Variants in EML5 observed in about 807,000 individuals in gnomAD.
The protein encoded by EML5 is echinoderm microtubule-associated protein-like 5.
In EML5, 120 loss-of-function variants were observed where a neutral mutation model predicts 250.0. That is an observed-to-expected ratio of 0.48 (90% CI 0.41 to 0.56). The LOEUF (loss-of-function observed/expected upper bound fraction) is 0.56. EML5 is among the 20% of genes least tolerant of loss of function. The pLI is 0.00. For missense variants in EML5, 2,006 were observed against 2,437.6 expected, an observed-to-expected ratio of 0.82 and a Z score of 3.73; for synonymous variants, 771 against 806.5, an observed-to-expected ratio of 0.96 and a Z score of 0.75.
At chr14:88,679,655 G>A (rs993157764) in intron 21 of EML5, among the ~76,000 whole-genome samples, 5 of 151,958 alleles carry the variant, frequency 3.3e-5, no homozygotes, top group African/African-American at 1.2e-4. Flanking sequence ...TCATGCCACT[G>A]CACTCCAGCC....
chr14:88,755,850 T>C (rs139736642), intron 1 of EML5, among the ~76,000 whole-genome samples: 1 of 152,174 alleles, frequency 6.6e-6, no homozygotes, highest in Non-Finnish European at 1.5e-5. Flanking sequence ...TTTTTTTTAA[T>C]GAGCCAGACA....
intron 30 of EML5, among the ~76,000 whole-genome samples, chr14:88,643,767 T>C (rs2091199585): frequency 6.6e-6 from 1 of 152,252 alleles, no homozygotes; most frequent in African/African-American, 2.4e-5. Flanking sequence ...ATACTGTCTC[T>C]GACAATTCAT....
rs1385843852 is a variant in EML5, at chr14:88,685,892, A to G, written c.2855-750T>C. Among the ~76,000 whole-genome samples the G allele has an allele frequency of 2.0e-5, 3 of 151,796 alleles. No homozygotes were observed. The East Asian group carries it at 5.8e-4, about 29-fold the overall frequency. The stretch of plus-strand genomic sequence containing the variant: ...TTTATTTTTCTCTAGCATATTTTCT[A>G]TTTGCAGTTGGTTGAATCTGAGGAT... On this transcript the variant is annotated intron_variant, in intron 19 of 43. Transcript: ENST00000554922.
At chr14:88,674,525 C>A (rs1286494131) in intron 21 of EML5, among the ~76,000 whole-genome samples, 1 of 152,054 alleles carries the variant, frequency 6.6e-6, no homozygotes, top group East Asian at 1.9e-4. Context: ...CAGGAAAGAC[C>A]CGCCCCCATG....
At chr14:88,748,622 G>A (rs1355264086) in intron 2 of EML5, among the ~76,000 whole-genome samples, 3 of 151,944 alleles carry the variant, frequency 2.0e-5, no homozygotes, top group Non-Finnish European at 4.4e-5. Context: ...TAATAACCTG[G>A]GGAAAATCAC....
At chr14:88,730,555 C>T (rs2093739379) in intron 7 of EML5, among the ~76,000 whole-genome samples, 1 of 152,200 alleles carries the variant, frequency 6.6e-6, no homozygotes, top group South Asian at 2.1e-4. Context: ...ATTGGGAACA[C>T]TACCAATAAT....
chr14:88,675,425 A>G (rs1307345803), intron 21 of EML5, among the ~76,000 whole-genome samples: 4 of 152,244 alleles, frequency 2.6e-5, no homozygotes, highest in Non-Finnish European at 5.9e-5. Context: ...CTGAAGCAAC[A>G]GTCCAAGCTG....
At chr14:88,785,253 A>G (rs1371585215) in intron 1 of EML5, among the ~76,000 whole-genome samples, 3 of 152,186 alleles carry the variant, frequency 2.0e-5, no homozygotes, top group Non-Finnish European at 4.4e-5. Context: ...AGTTAGAATG[A>G]ATAAGACCAT....
chr14:88,679,113 A>C (rs191880943), intron 21 of EML5, among the ~76,000 whole-genome samples: 7 of 150,162 alleles, frequency 4.7e-5, no homozygotes, highest in African/African-American at 1.7e-4. Context: ...ATATCTTCAC[A>C]TGGCCTTCTT....
At chr14:88,762,014 C>G (rs950895529) in intron 1 of EML5, among the ~76,000 whole-genome samples, 3 of 152,144 alleles carry the variant, frequency 2.0e-5, no homozygotes, top group African/African-American at 7.2e-5. Context: ...AGTTCATATC[C>G]TTAGCCCACT....
chr14:88,645,817 T>C (rs1032333434), intron 29 of EML5, among the ~76,000 whole-genome samples: 2 of 152,208 alleles, frequency 1.3e-5, no homozygotes, highest in Non-Finnish European at 2.9e-5. Context: ...ATGTATCAAC[T>C]TTACCTACAC....
In EML5 at chr14:88,621,172, C is replaced by T. The variant is rs1298123227; in HGVS notation, c.5143G>A (p.Asp1715Asn). ...TCTTCTGCAGCAGAAAGGAAAAAAT[C>T]CCTGGAAGGATGTGTTGCTAGTCCC... is the stretch of plus-strand genomic sequence containing the variant. ...IWGLATHPSR[D>N]FFLSAAEDGT... Residue 1715 changes from aspartate (D) to asparagine (N), a missense_variant, in exon 38 of 44, where the codon GAT becomes AAT. Transcript: ENST00000554922. The T allele has an allele frequency of 6.2e-7, 1 of 1,613,870 alleles. No individual in the cohort carries two copies. Among genetic ancestry groups the T allele is most frequent in the Non-Finnish European group, 8.5e-7 (1 of 1,179,836 alleles).
chr14:88,744,340 T>C (rs533609134), intron 3 of EML5, among the ~76,000 whole-genome samples: 25 of 152,164 alleles, frequency 1.6e-4, no homozygotes, highest in Admixed American at 3.3e-4. Context: ...CCTCTGTTTA[T>C]TTTTAATTTT....
chr14:88,737,168 A>C (rs1185999340), intron 6 of EML5, among the ~76,000 whole-genome samples: 2 of 152,154 alleles, frequency 1.3e-5, no homozygotes, highest in African/African-American at 4.8e-5. Context: ...GTAACCATGC[A>C]GCACTCCCCT....
chr14:88,758,953 C>A (rs2094199931), intron 1 of EML5, among the ~76,000 whole-genome samples: 1 of 152,102 alleles, frequency 6.6e-6, no homozygotes, highest in Non-Finnish European at 1.5e-5. Flanking sequence ...CCAGAATATG[C>A]AAATCCATAA....
intron 2 of EML5, among the ~76,000 whole-genome samples, chr14:88,749,902 C>A (rs2094065911): frequency 6.6e-6 from 1 of 152,138 alleles, no homozygotes; most frequent in Non-Finnish European, 1.5e-5. Flanking sequence ...ACCCACAACA[C>A]ATACTGTGAA....
rs1278241559 is a variant in EML5 at position 88,660,883 on chromosome 14, G to T, written c.3675+771C>A. 3.3e-5 allele frequency among the ~76,000 whole-genome samples: 5 copies of T among 152,094 alleles called. No individual in the cohort carries two copies. The East Asian group carries it at 9.7e-4, about 29-fold the overall frequency. On this transcript the variant is annotated intron_variant, in intron 25 of 43. Transcript: ENST00000554922. Reference sequence around the variant, plus strand: ...ATTCTGCTACGAAAGCAGAAAAAAAGAATTTGTATGATTTGGTTTCAAAAA... The same window carrying T: ...ATTCTGCTACGAAAGCAGAAAAAAATAATTTGTATGATTTGGTTTCAAAAA...
intron 2 of EML5, among the ~76,000 whole-genome samples, chr14:88,749,696 G>A (rs2094062935): frequency 6.6e-6 from 1 of 152,084 alleles, no homozygotes; most frequent in African/African-American, 2.4e-5. Context: ...GAAATATCAT[G>A]AAGATCACAA....
At chr14:88,670,811 G>C (rs2092442996) in intron 21 of EML5, among the ~76,000 whole-genome samples, 1 of 151,436 alleles carries the variant, frequency 6.6e-6, no homozygotes, top group African/African-American at 2.4e-5. Flanking sequence ...GCACAGGGAA[G>C]AATTTCAGAG....
Sources: allele counts gnomAD v4.1 joint callset (sites outside exome capture counted in the v4.1 genomes callset), GRCh38; gene constraint gnomAD v4.1.1; transcripts MANE v1.5; gene names NCBI Gene and HGNC (gene_info 2026-07-23, HGNC 2026-07-21).